Variants in RPA1 observed in about 807,000 individuals in gnomAD.
RPA1 encodes the protein replication protein A1.
RPA1 carries 49 observed loss-of-function variants against 83.0 expected under a neutral mutation model. That is an observed-to-expected ratio of 0.59 (90% CI 0.47 to 0.75). The LOEUF (loss-of-function observed/expected upper bound fraction) is 0.75, where lower values mean the gene tolerates loss of function less well. Among genes scored for constraint, RPA1 ranks in the 30% least tolerant of loss-of-function variants. RPA1 has a pLI of 0.00. For missense variants in RPA1, 693 were observed against 776.1 expected, an observed-to-expected ratio of 0.89 and a Z score of 1.27; for synonymous variants, 279 against 281.8, an observed-to-expected ratio of 0.99 and a Z score of 0.10.
intron 5 of RPA1, among the ~76,000 whole-genome samples, chr17:1,866,251 CAAA>C (rs987537098): frequency 4.0e-5 from 6 of 151,806 alleles, no homozygotes; most frequent in African/African-American, 1.5e-4. Flanking sequence ...CAAAAAACAA[CAAA>C]AAAATTTTTT....
rs550465653 is a variant in RPA1 at position 1,879,314 on chromosome 17, A to G, written c.859A>G (p.Met287Val). Reference protein sequence around the residue: ...EMTFNNETSVMPCEDDHHLPT... With the variant: ...EMTFNNETSVVPCEDDHHLPT... ...GACCTTCAATAACGAGACTTCCGTC[A>G]TGCCCTGTGAGGACGACCATCATTT... is the stretch of plus-strand genomic sequence containing the variant. Residue 287 changes from methionine to valine, a missense_variant, in exon 10 of 17, where the codon ATG becomes GTG. By Grantham distance (21) the Met-to-Val change is conservative. Coordinates refer to ENST00000254719, the MANE Select transcript of RPA1 (RefSeq NM_002945.5). The G allele has an allele frequency of 1.9e-6, 3 of 1,614,216 alleles. No individual in the cohort carries two copies. Among genetic ancestry groups the G allele is most frequent in the East Asian group, 2.2e-5 (1 of 44,880 alleles).
At chr17:1,852,574 G>T (rs1011253388) in intron 4 of RPA1, among the ~76,000 whole-genome samples, 12 of 152,182 alleles carry the variant, frequency 7.9e-5, no homozygotes, top group African/African-American at 2.9e-4. Flanking sequence ...GCACGGGAGG[G>T]GGGTTAGCAA....
At position 1,843,971 on chromosome 17, in the gene RPA1, A is replaced by G. The variant is rs747150308; in HGVS notation, c.136A>G (p.Met46Val). 5.0e-6 allele frequency: 8 copies of G among 1,613,614 alleles called. No homozygotes were observed. The Admixed American group carries it at 6.7e-5, about 13-fold the overall frequency. ...TAGTCCGCCGCGTTATCGACTGCTCATGAGTGATGGATTGAACACTCTATC... is the reference window on the plus strand; with the variant it reads ...TAGTCCGCCGCGTTATCGACTGCTCGTGAGTGATGGATTGAACACTCTATC... The part of the protein sequence containing the change: ...GNSPPRYRLL[M>V]SDGLNTLSSF... Residue 46 changes from methionine to valine, a missense_variant, in exon 3 of 17, where the codon ATG becomes GTG. Transcript: ENST00000254719.
intron 13 of RPA1, among the ~76,000 whole-genome samples, chr17:1,887,756 G>C (rs1914048820): frequency 6.6e-6 from 1 of 151,984 alleles, no homozygotes; most frequent in African/African-American, 2.4e-5. Context: ...AGGCGTGGTA[G>C]TGCACGCCTG....
chr17:1,871,478 G>A (rs969850399), intron 5 of RPA1, among the ~76,000 whole-genome samples: 2 of 152,126 alleles, frequency 1.3e-5, no homozygotes, highest in African/African-American at 4.8e-5. Context: ...CCTCCCAGCC[G>A]TGGGTACCAT....
chr17:1,865,306 T>A (rs933254586), intron 5 of RPA1, among the ~76,000 whole-genome samples: 2 of 152,218 alleles, frequency 1.3e-5, no homozygotes, highest in African/African-American at 4.8e-5. Flanking sequence ...TTAACCTTCA[T>A]ACCAAAGTTT....
chr17:1,843,246 A>G (rs1195562956), intron 2 of RPA1, among the ~76,000 whole-genome samples: 1 of 151,422 alleles, frequency 6.6e-6, no homozygotes, highest in Non-Finnish European at 1.5e-5. Context: ...TCATTTATTT[A>G]AGGGGTTCTC....
intron 1 of RPA1, among the ~76,000 whole-genome samples, chr17:1,833,589 T>C (rs1911700961): frequency 6.6e-6 from 1 of 152,238 alleles, no homozygotes; most frequent in Non-Finnish European, 1.5e-5. Flanking sequence ...GCGCAGTGGC[T>C]CACGCCTGTA....
rs1555596983 is a variant in RPA1 at position 1,895,659 on chromosome 17, GTATTTATTTATTTATTTATTTATT to G, written c.1746+586_1746+609del. Among the ~76,000 whole-genome samples, 12 of 141,812 alleles carry G rather than the reference GTATTTATTTATTTATTTATTTATT, an allele frequency of 8.5e-5. No individual in the cohort carries two copies. The East Asian group carries it at 1.4e-3, about 17-fold the overall frequency. The allele number at this position is 141,812 out of a possible 152,430, so 93.0% of individuals were successfully genotyped here. On this transcript the variant is annotated intron_variant, in intron 16 of 16. Transcript: ENST00000254719. The stretch of plus-strand genomic sequence containing the variant: ...CTGAAATTGCCCATAATACCATATA[GTATTTATTTATTTATTTATTTATT>G]TATTTATTTATTTATTTATTTGAGA...
chr17:1,853,558 C>T (rs987677102), intron 5 of RPA1, among the ~76,000 whole-genome samples: 1 of 152,194 alleles, frequency 6.6e-6, no homozygotes, highest in African/African-American at 2.4e-5. Flanking sequence ...AGGCCTGCGC[C>T]TGTAATCCTA....
chr17:1,891,661 C>T (rs946492944), intron 14 of RPA1, 172 bp from the exon 15 acceptor site: 13 of 425,794 alleles, frequency 3.1e-5, no homozygotes, highest in Non-Finnish European at 5.5e-5. Flanking sequence ...CTCAAGTGTT[C>T]CACCCGCCTT....
At chr17:1,895,659 G>GTATGTATTTATT (rs1555596985) in intron 16 of RPA1, among the ~76,000 whole-genome samples, 25 of 141,812 alleles carry the variant, frequency 1.8e-4, no homozygotes, top group African/African-American at 5.2e-4. Flanking sequence ...ATACCATATA[G>GTATGTATTTATT]TATTTATTTA....
At chr17:1,880,330 G>T (rs977995495) in intron 11 of RPA1, among the ~76,000 whole-genome samples, 1 of 152,104 alleles carries the variant, frequency 6.6e-6, no homozygotes, top group South Asian at 2.1e-4. Context: ...CAAGCTTTAC[G>T]CGGGGAAATG....
chr17:1,872,122 C>T (rs903772928), intron 5 of RPA1: 1 of 349,706 alleles, frequency 2.9e-6, no homozygotes, highest in Non-Finnish European at 5.4e-6. Context: ...AGATTCAACC[C>T]AGTGACTTTA....
At position 1,898,515 on chromosome 17, in the gene RPA1, G is replaced by A. The variant is rs900777282; in HGVS notation, c.*1340G>A. ...GCCGCACATCTCGCCGTCGTACCCCGGCAGTGCGGCGGTCACTCTGCAGCC... is the reference window on the plus strand; with the variant it reads ...GCCGCACATCTCGCCGTCGTACCCCAGCAGTGCGGCGGTCACTCTGCAGCC... On this transcript the variant is annotated 3_prime_UTR_variant, in exon 17 of 17. Transcript: ENST00000254719. The A allele has an allele frequency of 1.3e-5, 2 of 152,202 alleles. No individual in the cohort carries two copies. The highest frequency in any genetic ancestry group is 4.8e-5 in the African/African-American group (2 of 41,436). 9.4% of individuals were successfully genotyped at this position (152,202 alleles called of 1,614,324 possible).
At chr17:1,867,975 C>T (rs772959802) in intron 5 of RPA1, among the ~76,000 whole-genome samples, 20 of 151,514 alleles carry the variant, frequency 1.3e-4, no homozygotes, top group African/African-American at 1.9e-4. Flanking sequence ...TTCCACCTGC[C>T]GGGGAGGCCG....
intron 15 of RPA1, 136 bp downstream of exon 15, chr17:1,892,076 A>G: frequency 1.3e-5 from 6 of 467,820 alleles, no homozygotes; most frequent in South Asian, 4.9e-5. Context: ...GCGCGATCTC[A>G]GCTCACCGCA....
chr17:1,850,469 G>A (rs1200597148), intron 4 of RPA1, among the ~76,000 whole-genome samples: 8 of 151,738 alleles, frequency 5.3e-5, no homozygotes, highest in South Asian at 2.1e-4. Flanking sequence ...ACCAGGAGGC[G>A]GAGGTTGCAG....
chr17:1,836,635 T>C (rs1200086645), intron 1 of RPA1, among the ~76,000 whole-genome samples: 1 of 151,808 alleles, frequency 6.6e-6, no homozygotes, highest in Non-Finnish European at 1.5e-5. Context: ...TCAAATAATA[T>C]CTATCCTTTT....
Sources: allele counts gnomAD v4.1 joint callset (sites outside exome capture counted in the v4.1 genomes callset), GRCh38; gene constraint gnomAD v4.1.1; transcripts MANE v1.5; gene names NCBI Gene and HGNC (gene_info 2026-07-23, HGNC 2026-07-21).